The following SHC3 variants were observed in gnomAD, a reference collection of about 807,000 sequenced individuals.
SHC3 encodes the protein SHC adaptor protein 3, also known as SHC-transforming protein 3.
Under a neutral mutation model 60.4 loss-of-function variants are expected in SHC3, and 15 were observed. The observed-to-expected ratio is 0.25, with a 90% CI of 0.17 to 0.38. The LOEUF (loss-of-function observed/expected upper bound fraction) is 0.38, where lower values mean the gene tolerates loss of function less well. SHC3 is among the 10% of genes least tolerant of loss of function. The pLI, the probability that SHC3 is intolerant of heterozygous loss-of-function variation, is 1.00. For synonymous variants in SHC3, 294 were observed against 325.9 expected (o/e 0.90, Z 1.05); for missense variants, 677 against 786.1 (o/e 0.86, Z 1.66).
intron 4 of SHC3, 87 bp downstream of exon 4, chr9:89,075,022 G>C: frequency 6.6e-7 from 1 of 1,513,764 alleles, no homozygotes; most frequent in Non-Finnish European, 8.9e-7. Flanking sequence ...TGCTATGTGA[G>C]CTCAGTAAAG....
rs1050633758 is a variant in SHC3 at position 89,077,142 on chromosome 9, A to C, written c.609+698T>G. The stretch of plus-strand genomic sequence containing the variant: ...CAGTCAGCCAAGATCACGCCACTGC[A>C]CTCCAGCCCGGGGGATAGAGCGAGA... On this transcript the variant is annotated intron_variant, in intron 3 of 11. Transcript: ENST00000375835. Among the ~76,000 whole-genome samples the C allele has an allele frequency of 1.3e-5, 2 of 151,470 alleles. 1 individual carries two copies. Among genetic ancestry groups the C allele is most frequent in the East Asian group, 3.9e-4 (2 of 5,138 alleles).
At chr9:89,056,354 C>T (rs1205548023) in intron 6 of SHC3, among the ~76,000 whole-genome samples, 4 of 152,328 alleles carry the variant, frequency 2.6e-5, no homozygotes, top group Non-Finnish European at 5.9e-5. Flanking sequence ...TCAAGCCATT[C>T]TCCTGCCTCA....
At chr9:89,174,843 G>T (rs1052769664) in intron 1 of SHC3, among the ~76,000 whole-genome samples, 21 of 152,138 alleles carry the variant, frequency 1.4e-4, no homozygotes, top group African/African-American at 5.1e-4. Flanking sequence ...CTGAACCCCT[G>T]CCTCCTGTCC....
chr9:89,122,230 T>C (rs1053998263), intron 1 of SHC3, among the ~76,000 whole-genome samples: 1 of 152,244 alleles, frequency 6.6e-6, no homozygotes, highest in African/African-American at 2.4e-5. Context: ...TGCATAAATG[T>C]CCTCTTATCC....
chr9:89,105,453 G>A (rs890146020), intron 2 of SHC3, among the ~76,000 whole-genome samples: 4 of 152,144 alleles, frequency 2.6e-5, no homozygotes, highest in African/African-American at 9.7e-5. Context: ...AAATTACCGT[G>A]CTGAACTATA....
At chr9:89,043,305 T>G (rs1824717291) in intron 9 of SHC3, among the ~76,000 whole-genome samples, 1 of 152,362 alleles carries the variant, frequency 6.6e-6, no homozygotes, top group East Asian at 1.9e-4. Flanking sequence ...TGGACTGTGT[T>G]TCTACTCTCC....
intron 1 of SHC3, among the ~76,000 whole-genome samples, chr9:89,148,547 T>C (rs7047592): frequency 0.034 from 5,125 of 152,334 alleles, 167 homozygotes; most frequent in African/African-American, 0.081. Context: ...CTGAAAAGGA[T>C]ACAGGTAACT....
At chr9:89,126,037 C>G (rs1442082062) in intron 1 of SHC3, among the ~76,000 whole-genome samples, 2 of 152,126 alleles carry the variant, frequency 1.3e-5, no homozygotes, top group Non-Finnish European at 2.9e-5. Context: ...CTCTTGGGAT[C>G]TGGATCAGGA....
intron 11 of SHC3, among the ~76,000 whole-genome samples, chr9:89,018,182 C>A (rs1248483603): frequency 6.6e-6 from 1 of 152,102 alleles, no homozygotes; most frequent in Non-Finnish European, 1.5e-5. Flanking sequence ...CTAAAAAGAC[C>A]CATGCACACG....
intron 2 of SHC3, among the ~76,000 whole-genome samples, chr9:89,103,516 CT>C (rs1377948922): frequency 1.3e-5 from 2 of 152,254 alleles, no homozygotes; most frequent in East Asian, 3.9e-4. Flanking sequence ...GGAGGCTAGG[CT>C]ACTATAGCCC....
At chr9:89,144,520 T>C (rs752040219) in intron 1 of SHC3, among the ~76,000 whole-genome samples, 1 of 152,158 alleles carries the variant, frequency 6.6e-6, no homozygotes, top group Non-Finnish European at 1.5e-5. Context: ...GCTTCAGGTT[T>C]CACTGGAGGA....
intron 6 of SHC3, among the ~76,000 whole-genome samples, chr9:89,060,978 T>C (rs1182728049): frequency 6.6e-6 from 1 of 152,122 alleles, no homozygotes; most frequent in Admixed American, 6.5e-5. Flanking sequence ...TGTCTGCCTA[T>C]GTTTGAGAGG....
chr9:89,034,239 ATTTT>A, intron 11 of SHC3, among the ~76,000 whole-genome samples: 1 of 152,206 alleles, frequency 6.6e-6, no homozygotes, highest in African/African-American at 2.4e-5. Flanking sequence ...GAGAGCAGAG[ATTTT>A]CTTTTTAAAC....
intron 7 of SHC3, 33 bp from the exon 8 acceptor site, chr9:89,047,027 A>G: frequency 6.6e-7 from 1 of 1,504,910 alleles, no homozygotes; most frequent in Admixed American, 2.3e-5. Flanking sequence ...GGCTTTAGCC[A>G]AAAGTTGAAC....
intron 11 of SHC3, among the ~76,000 whole-genome samples, chr9:89,014,821 A>G (rs916518734): frequency 2.6e-5 from 4 of 152,110 alleles, no homozygotes; most frequent in Admixed American, 6.5e-5. Flanking sequence ...TCCCAAATCT[A>G]TACTTCAGGT....
intron 1 of SHC3, among the ~76,000 whole-genome samples, chr9:89,120,962 T>G (rs899885608): frequency 6.6e-6 from 1 of 151,978 alleles, no homozygotes; most frequent in African/African-American, 2.4e-5. Context: ...AGGATTTATT[T>G]GAGAAACATA....
At chr9:89,070,331 T>G (rs1825250517) in intron 5 of SHC3, among the ~76,000 whole-genome samples, 1 of 152,216 alleles carries the variant, frequency 6.6e-6, no homozygotes, top group African/African-American at 2.4e-5. Flanking sequence ...GTGAGCCTTC[T>G]TCCCTCTCCC....
At chr9:89,084,316 T>A (rs1825493668) in intron 2 of SHC3, among the ~76,000 whole-genome samples, 1 of 152,206 alleles carries the variant, frequency 6.6e-6, no homozygotes, top group South Asian at 2.1e-4. Flanking sequence ...GGTAAATAAA[T>A]ACTGGTTGGT....
chr9:89,077,176 C>CA (rs963844960), intron 3 of SHC3, among the ~76,000 whole-genome samples: 10 of 128,760 alleles, frequency 7.8e-5, no homozygotes, highest in Admixed American at 1.6e-4. Context: ...GACTCTGTCT[C>CA]AAAAAAACAA....
Sources: gnomAD v4.1 joint callset for allele counts (sites outside exome capture counted in the v4.1 genomes callset) on GRCh38, gnomAD v4.1.1 for gene constraint, MANE v1.5 for transcripts, NCBI Gene and HGNC (gene_info 2026-07-23, HGNC 2026-07-21) for gene names.